Variants in TPD52L1 observed in about 807,000 individuals in gnomAD.
The protein encoded by TPD52L1 is TPD52 like 1.
Under a neutral mutation model 28.7 loss-of-function variants are expected in TPD52L1, and 18 were observed. That is an observed-to-expected ratio of 0.63 (90% CI 0.43 to 0.93). The LOEUF is 0.93. TPD52L1 is among the 40% of genes least tolerant of loss of function. The pLI, the probability that TPD52L1 is intolerant of heterozygous loss-of-function variation, is 0.00. For missense variants in TPD52L1, 203 were observed against 254.8 expected (o/e 0.80, Z 1.39); for synonymous variants, 75 against 88.8 (o/e 0.84, Z 0.88).
chr6:125,211,334 A>C (rs1200156061), intron 1 of TPD52L1, among the ~76,000 whole-genome samples: 2 of 152,008 alleles, frequency 1.3e-5, no homozygotes, highest in Non-Finnish European at 2.9e-5. Flanking sequence ...AAAGATGTAA[A>C]ATACCCATTG....
chr6:125,190,780 A>G (rs914929500), intron 1 of TPD52L1, among the ~76,000 whole-genome samples: 2 of 152,122 alleles, frequency 1.3e-5, no homozygotes, highest in East Asian at 3.9e-4. Flanking sequence ...TGAGAATCAA[A>G]TGCTGCCACT....
At chr6:125,172,122 TTC>T (rs1491369661) in intron 1 of TPD52L1, among the ~76,000 whole-genome samples, 6 of 66,166 alleles carry the variant, frequency 9.1e-5, no homozygotes, top group African/African-American at 5.0e-4. Flanking sequence ...CTTTCTTTCT[TTC>T]TTTCTTTCTT....
intron 1 of TPD52L1, among the ~76,000 whole-genome samples, chr6:125,169,957 C>A (rs185657043): frequency 1.3e-5 from 2 of 152,248 alleles, no homozygotes; most frequent in East Asian, 3.9e-4. Context: ...CTCTTAGGAA[C>A]CTTTGAGTTT....
intron 3 of TPD52L1, among the ~76,000 whole-genome samples, chr6:125,238,568 A>G (rs906250924): frequency 2.0e-5 from 3 of 150,706 alleles, no homozygotes; most frequent in African/African-American, 7.3e-5. Context: ...TTGCATCCTC[A>G]CGGCTTAGTT....
At chr6:125,255,399 C>A (rs1469310566) in intron 5 of TPD52L1, among the ~76,000 whole-genome samples, 2 of 152,148 alleles carry the variant, frequency 1.3e-5, no homozygotes, top group African/African-American at 4.8e-5. Flanking sequence ...TTGAGTCATG[C>A]AAGTATAATT....
chr6:125,225,487 C>T (rs1456020077), intron 2 of TPD52L1, among the ~76,000 whole-genome samples: 2 of 152,226 alleles, frequency 1.3e-5, no homozygotes, highest in East Asian at 3.9e-4. Flanking sequence ...ACAAAGGTTC[C>T]AACGCCTCCA....
intron 1 of TPD52L1, among the ~76,000 whole-genome samples, chr6:125,159,092 T>A (rs1790338342): frequency 6.6e-6 from 1 of 152,190 alleles, no homozygotes; most frequent in South Asian, 2.1e-4. Flanking sequence ...CTGTGGCAAT[T>A]TATTAAAGTA....
At chr6:125,168,977 C>T (rs140037486) in intron 1 of TPD52L1, among the ~76,000 whole-genome samples, 105 of 152,224 alleles carry the variant, frequency 6.9e-4, no homozygotes, top group African/African-American at 2.4e-3. Context: ...TGCATGTGGG[C>T]GCTTTCTTGC....
chr6:125,192,030 T>A (rs1263310276), intron 1 of TPD52L1, among the ~76,000 whole-genome samples: 3 of 152,168 alleles, frequency 2.0e-5, no homozygotes, highest in African/African-American at 7.2e-5. Context: ...ATAGCTTCTG[T>A]AGCATGCCAG....
intron 1 of TPD52L1, among the ~76,000 whole-genome samples, chr6:125,188,486 C>A (rs1437544309): frequency 2.0e-5 from 3 of 152,126 alleles, no homozygotes; most frequent in East Asian, 3.9e-4. Flanking sequence ...GGTTTTCAGA[C>A]TTCTCAAAAA....
At chr6:125,238,500 A>AC (rs1243322718) in intron 3 of TPD52L1, among the ~76,000 whole-genome samples, 23 of 150,276 alleles carry the variant, frequency 1.5e-4, no homozygotes, top group African/African-American at 5.6e-4. Flanking sequence ...TTTATCCCTC[A>AC]CCCCCCTCGA....
intron 1 of TPD52L1, among the ~76,000 whole-genome samples, chr6:125,174,971 G>A (rs918334295): frequency 6.6e-6 from 1 of 152,024 alleles, no homozygotes; most frequent in Non-Finnish European, 1.5e-5. Flanking sequence ...AAAAAATAAG[G>A]CACAAAATGA....
At chr6:125,229,007 G>A in intron 2 of TPD52L1, 111 bp from the exon 3 acceptor site, 1 of 1,134,086 alleles carries the variant, frequency 8.8e-7, no homozygotes, top group Non-Finnish European at 1.2e-6. Context: ...CTACACATGG[G>A]ATTGTATAAA....
chr6:125,169,242 G>A (rs979422614), intron 1 of TPD52L1, among the ~76,000 whole-genome samples: 5 of 151,818 alleles, frequency 3.3e-5, no homozygotes, highest in Admixed American at 6.6e-5. Context: ...CCAAGGATCC[G>A]TCCTTGGCCT....
At chr6:125,222,841 G>A (rs567784843) in intron 2 of TPD52L1, among the ~76,000 whole-genome samples, 6 of 152,240 alleles carry the variant, frequency 3.9e-5, no homozygotes, top group South Asian at 2.1e-4. Context: ...TTACACAAAC[G>A]CCTTAGATTG....
At chr6:125,165,654 C>G (rs964098607) in intron 1 of TPD52L1, among the ~76,000 whole-genome samples, 1 of 152,176 alleles carries the variant, frequency 6.6e-6, no homozygotes, top group Non-Finnish European at 1.5e-5. Flanking sequence ...TACAGTTTCC[C>G]TGACATATAT....
intron 2 of TPD52L1, 153 bp from the exon 3 acceptor site, chr6:125,228,965 A>G: frequency 1.8e-6 from 1 of 546,394 alleles, no homozygotes; most frequent in Non-Finnish European, 3.1e-6. Flanking sequence ...GAGATATTAG[A>G]CTATCATCTG....
intron 2 of TPD52L1, among the ~76,000 whole-genome samples, chr6:125,221,502 C>T (rs1795227545): frequency 6.6e-6 from 1 of 152,164 alleles, no homozygotes. Context: ...AGTTTAGGCA[C>T]AATGTCTGTA....
chr6:125,262,982 G>A lies in TPD52L1; in HGVS notation c.*20G>A, dbSNP rs1798145886. ...TGCTAAGTCCAGCCAGCGTGCAGCT[G>A]CATCCAGAAACCGGCCACTACCCAG... On this transcript the variant is annotated 3_prime_UTR_variant, in exon 7 of 7. Coordinates refer to ENST00000534000, the MANE Select transcript of TPD52L1 (RefSeq NM_003287.4). The A allele has an allele frequency of 1.9e-6, 3 of 1,606,178 alleles. No homozygotes were observed. Among genetic ancestry groups the A allele is most frequent in the Non-Finnish European group, 2.5e-6 (3 of 1,176,848 alleles).
Sources: gnomAD v4.1 joint callset for allele counts (sites outside exome capture counted in the v4.1 genomes callset) on GRCh38, gnomAD v4.1.1 for gene constraint, MANE v1.5 for transcripts, NCBI Gene and HGNC (gene_info 2026-07-23, HGNC 2026-07-21) for gene names.